COL5A1: variants seen among roughly 807,000 people sequenced by gnomAD.
COL5A1 encodes the protein collagen alpha-1(V) chain.
Under a neutral mutation model 263.7 loss-of-function variants are expected in COL5A1, and 16 were observed. That is an observed-to-expected ratio of 0.06 (90% CI 0.04 to 0.09). The LOEUF (loss-of-function observed/expected upper bound fraction) is 0.09. Among genes scored for constraint, COL5A1 ranks in the 10% least tolerant of loss-of-function variants. The pLI is 1.00. For synonymous variants in COL5A1, 1,012 were observed against 1,004.5 expected (o/e 1.01, Z -0.14); for missense variants, 2,036 against 2,540.5 (o/e 0.80, Z 4.27).
intron 25 of COL5A1, among the ~76,000 whole-genome samples, chr9:134,769,353 G>A (rs1238361505): frequency 2.6e-5 from 4 of 152,166 alleles, no homozygotes; most frequent in East Asian, 3.9e-4. Context: ...ATCCCCACGC[G>A]CGCAGCTGTG....
intron 7 of COL5A1, among the ~76,000 whole-genome samples, chr9:134,731,040 C>T (rs184868405): frequency 1.3e-5 from 2 of 152,328 alleles, no homozygotes; most frequent in Admixed American, 1.3e-4. Context: ...TCTCTGGGGG[C>T]TGTGAAGTTT....
In COL5A1 at chr9:134,721,912, G is replaced by A. The variant is rs543421645; in HGVS notation, c.655-5354G>A. ...CCCCTCCCTCACCTGCATGTGTAGG[G>A]AAGAAGCAGTGGGTGGGCTGGAAAG... is the stretch of plus-strand genomic sequence containing the variant. On this transcript the variant is annotated intron_variant, in intron 4 of 65. Coordinates refer to ENST00000371817, the MANE Select transcript of COL5A1 (RefSeq NM_000093.5). Among the ~76,000 whole-genome samples, 11 of 152,358 alleles carry A rather than the reference G, an allele frequency of 7.2e-5. No individual in the cohort carries two copies. In the East Asian group the frequency reaches 1.3e-3, roughly 19 times the overall value.
Position 134,691,570 on chromosome 9 carries a change from C to T in COL5A1, c.277+491C>T, listed in dbSNP as rs149953690. On this transcript the variant is annotated intron_variant, in intron 2 of 65. Transcript: ENST00000371817. Reference sequence around the variant, plus strand: ...TTAATGAGAGTCAACTGCTAAATGCCGGGTCTCTGCTTTTAATTACATGCC... The same window carrying T: ...TTAATGAGAGTCAACTGCTAAATGCTGGGTCTCTGCTTTTAATTACATGCC... 779 of 166,724 alleles carry T rather than the reference C, an allele frequency of 4.7e-3. 35 individuals are homozygous for T. The South Asian group carries it at 0.088, about 19-fold the overall frequency. 10.3% of individuals were successfully genotyped at this position (166,724 alleles called of 1,614,324 possible).
At chr9:134,654,563 GT>G (rs1831856511) in intron 1 of COL5A1, among the ~76,000 whole-genome samples, 2 of 128,934 alleles carry the variant, frequency 1.6e-5, no homozygotes, top group Non-Finnish European at 1.7e-5. Flanking sequence ...GTAGGGCTGG[GT>G]GTGTGTAGGG....
Position 134,814,152 on chromosome 9 carries a change from G to A in COL5A1, c.3906+116G>A, listed in dbSNP as rs904086765. On this transcript the variant is annotated intron_variant, in intron 49 of 65. Transcript: ENST00000371817. ...CTTTTCCATCCACGAAATGGGAGTT[G>A]TAACCCCTCTTGTGCCCATTTCATG... The A allele has an allele frequency of 5.7e-5, 59 of 1,034,190 alleles. No homozygotes were observed. The African/African-American group carries it at 8.6e-4, about 15-fold the overall frequency. The allele number at this position is 1,034,190 out of a possible 1,614,324, so 64.1% of individuals were successfully genotyped here. A position where few individuals can be genotyped will look rare whatever the true frequency, so the allele number is the denominator to read the frequency against.
At chr9:134,724,751 A>G (rs965986573) in intron 4 of COL5A1, among the ~76,000 whole-genome samples, 1 of 152,188 alleles carries the variant, frequency 6.6e-6, no homozygotes, top group African/African-American at 2.4e-5. Flanking sequence ...GCTGCAGGCC[A>G]GAGTCTTCAA....
chr9:134,735,217 A>G (rs1433405668), intron 9 of COL5A1, among the ~76,000 whole-genome samples: 1 of 152,024 alleles, frequency 6.6e-6, no homozygotes, highest in Non-Finnish European at 1.5e-5. Flanking sequence ...CTCAAAAAAA[A>G]AAAAAAAATT....
chr9:134,773,579 C>G lies in COL5A1; in HGVS notation c.2331+745C>G, dbSNP rs1185765903. On this transcript the variant is annotated intron_variant, in intron 26 of 65. Transcript: ENST00000371817. ...CACCTGCTCCAGGGTTCCAGAGGCC[C>G]CAGTTGTCACAGGCTCTGGAATCGG... is the stretch of plus-strand genomic sequence containing the variant. 2.0e-5 allele frequency among the ~76,000 whole-genome samples: 3 copies of G among 152,232 alleles called. No homozygotes were observed. The East Asian group carries it at 5.8e-4, about 29-fold the overall frequency.
intron 2 of COL5A1, among the ~76,000 whole-genome samples, chr9:134,692,483 C>T (rs145575799): frequency 1.6e-4 from 24 of 152,282 alleles, no homozygotes; most frequent in African/African-American, 2.4e-4. Flanking sequence ...CCATGACCCC[C>T]GGTTTAGAAT....
intron 51 of COL5A1, 146 bp from the exon 52 acceptor site, chr9:134,815,789 A>T: frequency 1.6e-6 from 2 of 1,259,076 alleles, no homozygotes; most frequent in South Asian, 1.3e-5. Context: ...GAGCAAGAAA[A>T]CGCCTTTGAC....
chr9:134,648,882 G>A (rs546123606), intron 1 of COL5A1, among the ~76,000 whole-genome samples: 7 of 152,302 alleles, frequency 4.6e-5, no homozygotes, highest in African/African-American at 9.6e-5. Context: ...GGGCAGTCGC[G>A]GGCCAGGCCA....
Position 134,819,523 on chromosome 9 carries a change from A to G in COL5A1, c.4446+470A>G, listed in dbSNP as rs546512572. On this transcript the variant is annotated intron_variant, in intron 57 of 65. Coordinates refer to ENST00000371817, the MANE Select transcript of COL5A1 (RefSeq NM_000093.5). ...GTACTCAGGAGTGAGATGGTTGTATATGAAGCAGAAGGCAGTGAGGGCCCT... is the reference window on the plus strand; with the variant it reads ...GTACTCAGGAGTGAGATGGTTGTATGTGAAGCAGAAGGCAGTGAGGGCCCT... 2.6e-5 allele frequency among the ~76,000 whole-genome samples: 4 copies of G among 152,368 alleles called. No homozygotes were observed. The South Asian group carries it at 8.3e-4, about 32-fold the overall frequency.
chr9:134,829,775 C>T (rs2132906466), intron 63 of COL5A1, among the ~76,000 whole-genome samples: 1 of 152,188 alleles, frequency 6.6e-6, no homozygotes, highest in South Asian at 2.1e-4. Flanking sequence ...CGGGCTCATT[C>T]TCCTGTGACC....
At chr9:134,701,419 CGGGCCG>C in intron 4 of COL5A1, 86 bp downstream of exon 4, 1 of 1,390,860 alleles carries the variant, frequency 7.2e-7, no homozygotes. Flanking sequence ...GGAGGCTCCT[CGGGCCG>C]GGACCGGCTG....
chr9:134,841,447 A>G lies in COL5A1; in HGVS notation c.5371-710A>G, dbSNP rs1830100193. On this transcript the variant is annotated intron_variant, in intron 65 of 65. Transcript: ENST00000371817. The surrounding 1 kb of genome is among the most constrained non-coding windows in gnomAD (Gnocchi z 4.8). ...CTCCTAGGCTTCCATCCCACATCCC[A>G]GCGCCCAGGGTTGTGCTGTTTTGAG... 2.0e-5 allele frequency among the ~76,000 whole-genome samples: 3 copies of G among 152,252 alleles called. No individual in the cohort carries two copies. The highest frequency in any genetic ancestry group is 4.4e-5 in the Non-Finnish European group (3 of 68,004).
rs1251919155 is a variant in COL5A1 at position 134,647,939 on chromosome 9, T to C, written c.109+5643T>C. 6.6e-6 allele frequency among the ~76,000 whole-genome samples: 1 copy of C among 152,172 alleles called. No individual in the cohort carries two copies. The highest frequency in any genetic ancestry group is 2.4e-5 in the African/African-American group (1 of 41,436). ...GGTTACTACTGAGTGTCAATTTGATTGGATTGAAGGATACAAGTATTAATC... is the reference window on the plus strand; with the variant it reads ...GGTTACTACTGAGTGTCAATTTGATCGGATTGAAGGATACAAGTATTAATC... On this transcript the variant is annotated intron_variant, in intron 1 of 65. Coordinates refer to ENST00000371817, the MANE Select transcript of COL5A1 (RefSeq NM_000093.5). The surrounding 1 kb of genome is among the most constrained non-coding windows in gnomAD (Gnocchi z 5.0).
At chr9:134,766,062 GA>G (rs1251300243) in intron 21 of COL5A1, among the ~76,000 whole-genome samples, 1 of 152,196 alleles carries the variant, frequency 6.6e-6, no homozygotes, top group Non-Finnish European at 1.5e-5. Flanking sequence ...CTGCTAGAAA[GA>G]ACTTCCAGCA....
At chr9:134,715,193 G>A (rs1223236603) in intron 4 of COL5A1, among the ~76,000 whole-genome samples, 1 of 152,062 alleles carries the variant, frequency 6.6e-6, no homozygotes, top group Non-Finnish European at 1.5e-5. Flanking sequence ...GCAGGAAAAC[G>A]TGAACAAATG....
At chr9:134,657,308 T>TG (rs1832028773) in intron 1 of COL5A1, among the ~76,000 whole-genome samples, 1 of 55,608 alleles carries the variant, frequency 1.8e-5, no homozygotes, top group Non-Finnish European at 3.3e-5. Context: ...ATAGATAATA[T>TG]GGGGGTGGGG....
Sources: allele counts gnomAD v4.1 joint callset (sites outside exome capture counted in the v4.1 genomes callset), GRCh38; gene constraint gnomAD v4.1.1; non-coding constraint Gnocchi (gnomAD v3.1); transcripts MANE v1.5; gene names NCBI Gene and HGNC (gene_info 2026-07-23, HGNC 2026-07-21).